TMEM116: variants seen among roughly 807,000 people sequenced by gnomAD.
TMEM116 encodes transmembrane protein 116.
In TMEM116, 38 loss-of-function variants were observed where a neutral mutation model predicts 44.3. That is an observed-to-expected ratio of 0.86 (90% CI 0.66 to 1.12). The LOEUF is 1.12. Ranked by LOEUF, TMEM116 falls within the 50% of genes most tolerant of loss-of-function variation. The probability of loss-of-function intolerance (pLI) is 0.00; values close to 1 mark genes in which losing one functional copy is unlikely to be tolerated. For synonymous variants in TMEM116, 132 were observed against 144.8 expected, an observed-to-expected ratio of 0.91 and a Z score of 0.64; for missense variants, 354 against 401.7, an observed-to-expected ratio of 0.88 and a Z score of 1.01.
chr12:111,988,717 C>T (rs773807758), intron 4 of TMEM116, among the ~76,000 whole-genome samples: 1 of 150,120 alleles, frequency 6.7e-6, no homozygotes, highest in Non-Finnish European at 1.5e-5. Flanking sequence ...ACAGGCCGGG[C>T]GCGGTGGCTC....
intron 4 of TMEM116, among the ~76,000 whole-genome samples, chr12:111,987,367 T>C (rs1320519835): frequency 1.3e-5 from 2 of 151,910 alleles, no homozygotes; most frequent in African/African-American, 2.4e-5. Flanking sequence ...TAGCCAGGTA[T>C]GGTGGCGCAC....
At chr12:111,943,090 T>G (rs2072995366) in intron 5 of TMEM116, among the ~76,000 whole-genome samples, 175 bp downstream of exon 5, 1 of 151,884 alleles carries the variant, frequency 6.6e-6, no homozygotes, top group African/African-American at 2.4e-5. Context: ...CCCGGCTAAT[T>G]TTTTTGGTAT....
intron 3 of TMEM116, among the ~76,000 whole-genome samples, chr12:111,997,401 A>G (rs1471632990): frequency 6.6e-6 from 1 of 152,074 alleles, no homozygotes; most frequent in Non-Finnish European, 1.5e-5. Flanking sequence ...CAAAATTAAA[A>G]ATTAAAAAAA....
rs2077929478 is a variant in TMEM116 at position 112,013,095 on chromosome 12, C to G, written c.-127G>C. On this transcript the variant is annotated 5_prime_UTR_variant, in exon 1 of 11. Coordinates refer to ENST00000552374, the MANE Select transcript of TMEM116 (RefSeq NM_001193531.2). ...TGTCATCTTCGAAGGAGAGGAAGGA[C>G]AGCAAACGAATTGCTATAGCGTCCC... 4.6e-6 allele frequency: 1 copy of G among 219,234 alleles called. No individual in the cohort carries two copies. The highest frequency in any genetic ancestry group is 1.0e-4 in the East Asian group (1 of 9,554). The allele number at this position is 219,234 out of a possible 1,614,324, so 13.6% of individuals were successfully genotyped here.
At chr12:112,009,697 T>C (rs1457589344) in intron 1 of TMEM116, among the ~76,000 whole-genome samples, 1 of 149,616 alleles carries the variant, frequency 6.7e-6, no homozygotes, top group African/African-American at 2.5e-5. Flanking sequence ...AAAAAAAAAA[T>C]TAGCCAGGTG....
rs547757652 is a variant in TMEM116 at position 111,980,892 on chromosome 12, G to A, written c.210+10866C>T. On this transcript the variant is annotated intron_variant, in intron 4 of 10. Transcript: ENST00000552374. ...GGTTCGAGACCAGCCTGGGCAACAT[G>A]GTGAAACCTCCTCTCCACAAAAAAT... Among the ~76,000 whole-genome samples the A allele has an allele frequency of 6.0e-4, 92 of 152,084 alleles. 1 individual carries two copies. Among genetic ancestry groups the A allele is most frequent in the Non-Finnish European group, 1.2e-3 (79 of 67,964 alleles).
At chr12:111,948,297 TCA>T (rs2073438709) in intron 4 of TMEM116, among the ~76,000 whole-genome samples, 1 of 152,134 alleles carries the variant, frequency 6.6e-6, no homozygotes, top group Non-Finnish European at 1.5e-5. Context: ...ACGTAGGAGT[TCA>T]GAGTAAGGTG....
intron 4 of TMEM116, among the ~76,000 whole-genome samples, chr12:111,947,420 GCTTA>G (rs1177240432): frequency 2.6e-5 from 4 of 152,062 alleles, no homozygotes; most frequent in African/African-American, 7.2e-5. Flanking sequence ...ACAAAATCAG[GCTTA>G]CTTGAGATGT....
chr12:111,993,199 GTGGGGTCTTAGGTT>G, intron 3 of TMEM116: 6 of 379,664 alleles, frequency 1.6e-5, no homozygotes, highest in Admixed American at 6.1e-5. Context: ...TGTGGCTCTC[GTGGGGTCTTAGGTT>G]GTGGTCTGAC....
At chr12:112,005,031 A>G (rs1374551798) in intron 2 of TMEM116, among the ~76,000 whole-genome samples, 3 of 152,214 alleles carry the variant, frequency 2.0e-5, no homozygotes, top group Non-Finnish European at 4.4e-5. Flanking sequence ...GATCCTGCTG[A>G]CCAGGTTGTC....
At chr12:111,961,875 T>C (rs1286708549) in intron 4 of TMEM116, among the ~76,000 whole-genome samples, 1 of 151,454 alleles carries the variant, frequency 6.6e-6, no homozygotes, top group Non-Finnish European at 1.5e-5. Context: ...AGAGGAGGTC[T>C]AATTGTCTCT....
chr12:111,944,298 A>G (rs1380602749), intron 4 of TMEM116, among the ~76,000 whole-genome samples: 1 of 151,916 alleles, frequency 6.6e-6, no homozygotes, highest in Non-Finnish European at 1.5e-5. Context: ...GCAGAAGAGA[A>G]CAGCAATCCC....
chr12:111,988,211 T>C (rs555362658), intron 4 of TMEM116, among the ~76,000 whole-genome samples: 17 of 152,264 alleles, frequency 1.1e-4, no homozygotes, highest in East Asian at 9.7e-4. Context: ...GGTACACAGC[T>C]TGAGATGATG....
chr12:111,990,091 T>A (rs989105625), intron 4 of TMEM116, among the ~76,000 whole-genome samples: 1 of 151,858 alleles, frequency 6.6e-6, no homozygotes, highest in African/African-American at 2.4e-5. Flanking sequence ...CCGTCTCTAC[T>A]AAAAATACAA....
At chr12:111,976,434 T>C (rs2136495230) in intron 4 of TMEM116, among the ~76,000 whole-genome samples, 1 of 152,104 alleles carries the variant, frequency 6.6e-6, no homozygotes, top group South Asian at 2.1e-4. Context: ...GAGCCGAGAT[T>C]GCGCCACTGC....
At chr12:111,992,034 C>G in intron 3 of TMEM116, 145 bp from the exon 4 acceptor site, 1 of 774,982 alleles carries the variant, frequency 1.3e-6, no homozygotes, top group African/African-American at 1.8e-5. Context: ...GTGGGCAATG[C>G]AAGGGAAGAC....
intron 4 of TMEM116, among the ~76,000 whole-genome samples, chr12:111,965,935 C>CAATA (rs1019789599): frequency 2.0e-5 from 3 of 151,752 alleles, no homozygotes; most frequent in East Asian, 1.9e-4. Context: ...GACTTTGTCT[C>CAATA]AATAAATAAA....
chr12:112,002,720 T>C (rs747211122), intron 3 of TMEM116, among the ~76,000 whole-genome samples: 43 of 152,196 alleles, frequency 2.8e-4, no homozygotes, highest in Middle Eastern at 3.2e-3. Context: ...TGAGGACCAA[T>C]GAGATAAAGT....
At chr12:111,968,204 A>G (rs901799162) in intron 4 of TMEM116, among the ~76,000 whole-genome samples, 7 of 152,226 alleles carry the variant, frequency 4.6e-5, no homozygotes, top group Admixed American at 1.3e-4. Flanking sequence ...TAGATAGAAC[A>G]GTATCTAGAG....
Sources: gnomAD v4.1 joint callset for allele counts (sites outside exome capture counted in the v4.1 genomes callset) on GRCh38, gnomAD v4.1.1 for gene constraint, MANE v1.5 for transcripts, NCBI Gene and HGNC (gene_info 2026-07-23, HGNC 2026-07-21) for gene names.